Variants in LSAMP observed in about 807,000 individuals in gnomAD.
The protein encoded by LSAMP is limbic system-associated membrane protein.
LSAMP carries 7 observed loss-of-function variants against 38.6 expected under a neutral mutation model. That is an observed-to-expected ratio of 0.18 (90% confidence interval 0.10 to 0.34). LSAMP has a LOEUF of 0.34. LSAMP is among the 10% of genes least tolerant of loss of function. The pLI is 1.00. For synonymous variants in LSAMP, 154 were observed against 166.8 expected (o/e 0.92, Z 0.59); for missense variants, 313 against 420.0 (o/e 0.75, Z 2.23).
At chr3:116,301,615 T>C (rs1325937914) in intron 1 of LSAMP, among the ~76,000 whole-genome samples, 1 of 152,138 alleles carries the variant, frequency 6.6e-6, no homozygotes, top group African/African-American at 2.4e-5. Flanking sequence ...TGGCCTAAAA[T>C]TTATGCATTT....
rs563847397 is a variant in LSAMP at position 116,356,994 on chromosome 3, C to T, written c.155+87883G>A. 1.2e-4 allele frequency among the ~76,000 whole-genome samples: 19 copies of T among 152,174 alleles called. No individual in the cohort carries two copies. In the South Asian group the frequency reaches 2.7e-3, roughly 22 times the overall value. The stretch of plus-strand genomic sequence containing the variant: ...ATTTTTAGTAGAGACGGGGTTTCAC[C>T]GTGTTAGCCAGGATGGTCTCGATCT... On this transcript the variant is annotated intron_variant, in intron 1 of 6. Transcript: ENST00000490035.
chr3:116,068,718 A>G (rs1422243135), intron 2 of LSAMP, among the ~76,000 whole-genome samples: 1 of 152,232 alleles, frequency 6.6e-6, no homozygotes, highest in Non-Finnish European at 1.5e-5. Flanking sequence ...CATTCTATAT[A>G]TGATTGCATC....
intron 1 of LSAMP, among the ~76,000 whole-genome samples, chr3:116,149,567 A>G (rs1709564246): frequency 6.6e-6 from 1 of 152,004 alleles, no homozygotes; most frequent in Non-Finnish European, 1.5e-5. Flanking sequence ...TTCAATGGGT[A>G]TTCAGCAGAT....
chr3:116,140,064 A>G (rs1709336799), intron 1 of LSAMP, among the ~76,000 whole-genome samples: 1 of 152,034 alleles, frequency 6.6e-6, no homozygotes, highest in African/African-American at 2.4e-5. Flanking sequence ...TGGTCCCTGA[A>G]CACTAGGTTA....
At chr3:115,939,531 T>C (rs184077684) in intron 3 of LSAMP, among the ~76,000 whole-genome samples, 1 of 7,082 alleles carries the variant, frequency 1.4e-4, no homozygotes. Flanking sequence ...GTTCTCTTTC[T>C]CTTTCTTTCT....
At chr3:116,242,496 C>T (rs889810817) in intron 1 of LSAMP, among the ~76,000 whole-genome samples, 1 of 152,158 alleles carries the variant, frequency 6.6e-6, no homozygotes, top group Non-Finnish European at 1.5e-5. Flanking sequence ...TGTTTGGTGT[C>T]AGCTTCATTT....
intron 1 of LSAMP, among the ~76,000 whole-genome samples, chr3:116,212,063 GC>G (rs1202117361): frequency 9.2e-5 from 14 of 152,160 alleles, no homozygotes; most frequent in Admixed American, 6.5e-5. Flanking sequence ...AAAGAAGGAG[GC>G]TTTTACCCAA....
chr3:116,405,347 C>G (rs1268466080), intron 1 of LSAMP, among the ~76,000 whole-genome samples: 1 of 152,042 alleles, frequency 6.6e-6, no homozygotes, highest in Non-Finnish European at 1.5e-5. Flanking sequence ...CTATGAGGAA[C>G]ATGAGCTACT....
chr3:115,847,310 G>C (rs776961026), intron 4 of LSAMP, among the ~76,000 whole-genome samples: 4 of 152,142 alleles, frequency 2.6e-5, no homozygotes, highest in Non-Finnish European at 4.4e-5. Flanking sequence ...GAGGATGTAG[G>C]CCATAAGAAA....
intron 3 of LSAMP, among the ~76,000 whole-genome samples, chr3:115,870,376 G>A (rs1290303059): frequency 6.6e-6 from 1 of 152,100 alleles, no homozygotes; most frequent in Non-Finnish European, 1.5e-5. Flanking sequence ...TATTTCAGAA[G>A]TAACATTCTA....
intron 3 of LSAMP, among the ~76,000 whole-genome samples, chr3:115,864,253 T>A (rs1343285057): frequency 1.4e-5 from 2 of 144,120 alleles, no homozygotes; most frequent in South Asian, 4.3e-4. Flanking sequence ...CTCCACTCCA[T>A]GGCACGTTGC....
At chr3:116,384,936 C>T (rs16824826) in intron 1 of LSAMP, among the ~76,000 whole-genome samples, 1,659 of 148,638 alleles carry the variant, frequency 0.011, 39 homozygotes, top group African/African-American at 0.036. Flanking sequence ...AAAACAACAC[C>T]GACTAGAATA....
Position 116,257,665 on chromosome 3 carries a change from G to A in LSAMP, c.156-171109C>T, listed in dbSNP as rs140270521. Among the ~76,000 whole-genome samples, 581 of 152,184 alleles carry A rather than the reference G, an allele frequency of 3.8e-3. 1 individual carries two copies. Among genetic ancestry groups the A allele is most frequent in the African/African-American group, 0.013 (554 of 41,520 alleles). Reference sequence around the variant, plus strand: ...TAGAAATCTGGTAGAGAATTATAATGAGCAATGTAATTTTTTTCTGGTTGC... The same window carrying A: ...TAGAAATCTGGTAGAGAATTATAATAAGCAATGTAATTTTTTTCTGGTTGC... On this transcript the variant is annotated intron_variant, in intron 1 of 6. Transcript: ENST00000490035.
At chr3:116,108,312 G>C (rs1373659316) in intron 1 of LSAMP, among the ~76,000 whole-genome samples, 1 of 146,588 alleles carries the variant, frequency 6.8e-6, no homozygotes, top group Non-Finnish European at 1.5e-5. Flanking sequence ...TGGGCAGGTG[G>C]GGATAACTAA....
intron 1 of LSAMP, among the ~76,000 whole-genome samples, chr3:116,136,368 T>C (rs1709247881): frequency 1.3e-5 from 2 of 152,040 alleles, no homozygotes; most frequent in Admixed American, 1.3e-4. Context: ...TCTATGCACA[T>C]GCACCCACAC....
chr3:116,273,833 T>C (rs76542879), intron 1 of LSAMP, among the ~76,000 whole-genome samples: 4 of 138,140 alleles, frequency 2.9e-5, no homozygotes, highest in Non-Finnish European at 6.3e-5. Context: ...CTCTCTCTCT[T>C]TCGCTTTCTC....
intron 3 of LSAMP, among the ~76,000 whole-genome samples, chr3:115,951,810 T>A (rs1482271553): frequency 6.6e-6 from 1 of 152,066 alleles, no homozygotes; most frequent in Non-Finnish European, 1.5e-5. Flanking sequence ...GGACCACACC[T>A]TCTGATTGTG....
At chr3:116,204,977 G>C (rs9758298) in intron 1 of LSAMP, among the ~76,000 whole-genome samples, 1 of 139,462 alleles carries the variant, frequency 7.2e-6, no homozygotes. Context: ...CATTGAATCT[G>C]TAAATTACCT....
chr3:116,387,340 C>T (rs2048638439), intron 1 of LSAMP, among the ~76,000 whole-genome samples: 1 of 152,062 alleles, frequency 6.6e-6, no homozygotes, highest in Non-Finnish European at 1.5e-5. Flanking sequence ...AATAAGGAAT[C>T]ACTACAATTA....
Sources: gnomAD v4.1 joint callset for allele counts (sites outside exome capture counted in the v4.1 genomes callset) on GRCh38, gnomAD v4.1.1 for gene constraint, MANE v1.5 for transcripts, NCBI Gene and HGNC (gene_info 2026-07-23, HGNC 2026-07-21) for gene names.